SPON1: variants seen among roughly 807,000 people sequenced by gnomAD.
The protein encoded by SPON1 is spondin-1.
Under a neutral mutation model 111.7 loss-of-function variants are expected in SPON1, and 52 were observed. The observed-to-expected ratio is 0.47, with a 90% CI of 0.37 to 0.59. SPON1 has a LOEUF of 0.59. Among genes scored for constraint, SPON1 ranks in the 20% least tolerant of loss-of-function variants. The pLI is 0.00. For synonymous variants in SPON1, 410 were observed against 395.8 expected, an observed-to-expected ratio of 1.04 and a Z score of -0.43; for missense variants, 957 against 1,068.5, an observed-to-expected ratio of 0.90 and a Z score of 1.46.
chr11:14,085,262 G>T (rs939608402), intron 5 of SPON1, among the ~76,000 whole-genome samples: 3 of 152,122 alleles, frequency 2.0e-5, no homozygotes, highest in African/African-American at 7.2e-5. Flanking sequence ...TTCTTCTAGG[G>T]TTTTTATGCT....
At chr11:14,141,075 A>G (rs1486643819) in intron 6 of SPON1, among the ~76,000 whole-genome samples, 1 of 132,290 alleles carries the variant, frequency 7.6e-6, no homozygotes, top group Non-Finnish European at 1.6e-5. Context: ...CTCTCCATGC[A>G]TGGGCTTCTA....
intron 5 of SPON1, among the ~76,000 whole-genome samples, chr11:14,128,303 C>T (rs1847486428): frequency 6.6e-6 from 1 of 152,156 alleles, no homozygotes. Context: ...AATGAGGATA[C>T]AGGAATTGGG....
chr11:14,249,541 C>A (rs557922463), intron 7 of SPON1, among the ~76,000 whole-genome samples: 1 of 152,110 alleles, frequency 6.6e-6, no homozygotes, highest in African/African-American at 2.4e-5. Flanking sequence ...CTCTCGTGGC[C>A]AAATTGAGTT....
intron 2 of SPON1, among the ~76,000 whole-genome samples, chr11:14,030,676 A>G (rs1307969062): frequency 6.6e-6 from 1 of 152,256 alleles, no homozygotes. Context: ...CAGCAGTCAG[A>G]ATGGCTGTTG....
At chr11:14,164,672 G>C (rs76134462) in intron 6 of SPON1, among the ~76,000 whole-genome samples, 5 of 152,184 alleles carry the variant, frequency 3.3e-5, no homozygotes, top group African/African-American at 4.8e-5. Flanking sequence ...CATTGCAATA[G>C]AGAAAGAGTA....
intron 7 of SPON1, among the ~76,000 whole-genome samples, chr11:14,249,425 C>T (rs1412442709): frequency 2.0e-5 from 3 of 152,228 alleles, no homozygotes; most frequent in Non-Finnish European, 4.4e-5. Flanking sequence ...TCCTAGATGC[C>T]TCCTGGTTAT....
chr11:13,981,327 CTTTTGT>C (rs1240699068), intron 1 of SPON1, among the ~76,000 whole-genome samples: 18 of 152,038 alleles, frequency 1.2e-4, no homozygotes, highest in East Asian at 1.9e-4. Context: ...TTTTTTGTTG[CTTTTGT>C]TTTTGTTTTT....
intron 1 of SPON1, among the ~76,000 whole-genome samples, chr11:13,970,930 T>G (rs1554908538): frequency 6.6e-6 from 1 of 152,234 alleles, no homozygotes; most frequent in African/African-American, 2.4e-5. Context: ...TCTTTCTTAT[T>G]TGCCATTTTA....
intron 6 of SPON1, among the ~76,000 whole-genome samples, chr11:14,225,692 C>T (rs1299335987): frequency 1.3e-5 from 2 of 152,070 alleles, no homozygotes; most frequent in African/African-American, 2.4e-5. Flanking sequence ...TAGAGAAGAT[C>T]GGATTATTGA....
intron 3 of SPON1, among the ~76,000 whole-genome samples, chr11:14,057,047 A>G (rs1391869671): frequency 6.6e-6 from 1 of 152,116 alleles, no homozygotes; most frequent in Non-Finnish European, 1.5e-5. Context: ...TATAAATAAT[A>G]TAAATAAACA....
At chr11:14,136,441 T>C (rs782490374) in intron 6 of SPON1, among the ~76,000 whole-genome samples, 51 of 152,174 alleles carry the variant, frequency 3.4e-4, no homozygotes, top group Non-Finnish European at 5.0e-4. Context: ...CTCCCTGTGC[T>C]CCTGTCCCAC....
intron 6 of SPON1, among the ~76,000 whole-genome samples, chr11:14,183,722 A>G (rs1564926011): frequency 6.6e-6 from 1 of 152,154 alleles, no homozygotes; most frequent in East Asian, 1.9e-4. Flanking sequence ...AGGGTAAGTA[A>G]AGTGCCCAAG....
At chr11:13,970,152 T>A (rs1554908442) in intron 1 of SPON1, among the ~76,000 whole-genome samples, 1 of 152,216 alleles carries the variant, frequency 6.6e-6, no homozygotes, top group Non-Finnish European at 1.5e-5. Flanking sequence ...AAGCTTTTTG[T>A]GATGCTTGTC....
chr11:14,190,651 T>C (rs1848336172), intron 6 of SPON1, among the ~76,000 whole-genome samples: 1 of 150,354 alleles, frequency 6.7e-6, no homozygotes, highest in South Asian at 2.1e-4. Flanking sequence ...TTTCTTTTTT[T>C]TTTTTTTGAG....
chr11:14,145,846 A>T (rs1052319435), intron 6 of SPON1, among the ~76,000 whole-genome samples: 1 of 152,174 alleles, frequency 6.6e-6, no homozygotes, highest in Non-Finnish European at 1.5e-5. Context: ...GCAGCTATTA[A>T]AAAGAATAAG....
At chr11:14,152,835 G>T (rs1197347534) in intron 6 of SPON1, among the ~76,000 whole-genome samples, 1 of 152,188 alleles carries the variant, frequency 6.6e-6, no homozygotes, top group Non-Finnish European at 1.5e-5. Context: ...TGCAAGCATG[G>T]TTGGATCTTT....
intron 6 of SPON1, among the ~76,000 whole-genome samples, chr11:14,152,898 G>T (rs1847804485): frequency 6.6e-6 from 1 of 152,114 alleles, no homozygotes; most frequent in Non-Finnish European, 1.5e-5. Context: ...TTTCTCAAAT[G>T]GACATGGTGA....
At chr11:14,215,625 A>C (rs1057049721) in intron 6 of SPON1, among the ~76,000 whole-genome samples, 1 of 152,214 alleles carries the variant, frequency 6.6e-6, no homozygotes, top group African/African-American at 2.4e-5. Flanking sequence ...AGCCCCCCAC[A>C]TTCAAGGGGA....
intron 2 of SPON1, among the ~76,000 whole-genome samples, chr11:14,032,892 G>A (rs1848569294): frequency 6.6e-6 from 1 of 152,098 alleles, no homozygotes; most frequent in Non-Finnish European, 1.5e-5. Flanking sequence ...CCAATGCCCT[G>A]TTCTTCAGGC....
Sources: allele counts gnomAD v4.1 joint callset (sites outside exome capture counted in the v4.1 genomes callset), GRCh38; gene constraint gnomAD v4.1.1; transcripts MANE v1.5; gene names NCBI Gene and HGNC (gene_info 2026-07-23, HGNC 2026-07-21).